Variants in EYS observed in about 807,000 individuals in gnomAD.
The protein encoded by EYS is protein eyes shut homolog.
Under a neutral mutation model 282.1 loss-of-function variants are expected in EYS, and 250 were observed. The observed-to-expected ratio is 0.89, with a 90% CI of 0.80 to 0.98. The LOEUF is 0.98. Among genes scored for constraint, EYS ranks in the 50% least tolerant of loss-of-function variants. The probability of loss-of-function intolerance (pLI) is 0.00; values close to 1 mark genes in which losing one functional copy is unlikely to be tolerated. For missense variants in EYS, 4,016 were observed against 3,709.0 expected, an observed-to-expected ratio of 1.08 and a Z score of -2.15; for synonymous variants, 1,355 against 1,282.9, an observed-to-expected ratio of 1.06 and a Z score of -1.20.
chr6:65,391,607 T>C (rs1766035587), intron 7 of EYS, among the ~76,000 whole-genome samples: 1 of 152,004 alleles, frequency 6.6e-6, no homozygotes, highest in African/African-American at 2.4e-5. Flanking sequence ...GGATTCCAAC[T>C]TACAAGGGAT....
intron 11 of EYS, chr6:65,331,037 TA>T: frequency 1.0e-6 from 1 of 984,362 alleles, no homozygotes; most frequent in Non-Finnish European, 1.2e-6. Context: ...TTTTTTCCTT[TA>T]AAGGCACCCA....
At chr6:64,518,527 A>G (rs903973913) in intron 26 of EYS, among the ~76,000 whole-genome samples, 1 of 151,860 alleles carries the variant, frequency 6.6e-6, no homozygotes, top group African/African-American at 2.4e-5. Context: ...ATTATAAACA[A>G]AGTATATTTT....
chr6:64,370,688 C>A (rs1772336028), intron 29 of EYS, among the ~76,000 whole-genome samples: 1 of 151,900 alleles, frequency 6.6e-6, no homozygotes, highest in South Asian at 2.1e-4. Context: ...ATTAATGATT[C>A]AATTTTGGAA....
At position 63,721,665 on chromosome 6, in the gene EYS, C is replaced by T. The variant is rs778528900; in HGVS notation, c.8366G>A (p.Gly2789Glu). The change falls in exon 43 of 43, where the codon GGA becomes GAA. Residue 2789 changes from glycine (G) to glutamate (E), a missense_variant. Coordinates refer to ENST00000503581, the MANE Select transcript of EYS (RefSeq NM_001142800.2). ...NGSTWHIIKA[G>E]RVGAEGYLDL... is the part of the protein sequence containing the mutation. ...CAGGTAGCCTTCTGCACCAACTCTT[C>T]CTGCTTTTATTATATGCCAAGTACT... The T allele has an allele frequency of 1.9e-6, 3 of 1,551,390 alleles. No homozygotes were observed. Among genetic ancestry groups the T allele is most frequent in the South Asian group, 2.4e-5 (2 of 84,050 alleles).
intron 2 of EYS, among the ~76,000 whole-genome samples, chr6:65,524,686 A>C (rs1292530230): frequency 6.6e-6 from 1 of 152,214 alleles, no homozygotes; most frequent in Non-Finnish European, 1.5e-5. Context: ...CCATGAAGTG[A>C]ATTCCTTAGA....
chr6:64,398,937 T>C (rs1194286459), intron 28 of EYS, among the ~76,000 whole-genome samples: 1 of 151,874 alleles, frequency 6.6e-6, no homozygotes, highest in African/African-American at 2.4e-5. Flanking sequence ...GGTTAATTAC[T>C]TCTTACAATT....
chr6:65,535,706 A>T (rs1767939537), intron 2 of EYS, among the ~76,000 whole-genome samples: 2 of 152,154 alleles, frequency 1.3e-5, no homozygotes, highest in Admixed American at 1.3e-4. Context: ...TTACTCAGCG[A>T]TGTCAAACTT....
intron 13 of EYS, among the ~76,000 whole-genome samples, chr6:65,008,748 G>A (rs888384832): frequency 1.3e-5 from 2 of 152,136 alleles, no homozygotes; most frequent in African/African-American, 4.8e-5. Flanking sequence ...GGGTGCCTGG[G>A]GCAAGCGCCA....
chr6:64,944,036 A>C (rs1389954390), intron 15 of EYS, among the ~76,000 whole-genome samples: 1 of 152,172 alleles, frequency 6.6e-6, no homozygotes, highest in Non-Finnish European at 1.5e-5. Flanking sequence ...AGATCAGTGG[A>C]ACAGAATAGC....
At chr6:65,295,730 T>C (rs1376039228) in intron 12 of EYS, 133 bp downstream of exon 12, 1 of 845,966 alleles carries the variant, frequency 1.2e-6, no homozygotes, top group African/African-American at 1.7e-5. Flanking sequence ...TTTTTTTTAC[T>C]TTGCCAAATA....
chr6:65,452,884 T>C (rs941107614), intron 5 of EYS, among the ~76,000 whole-genome samples: 1 of 151,960 alleles, frequency 6.6e-6, no homozygotes, highest in African/African-American at 2.4e-5. Flanking sequence ...ACCAACAAAC[T>C]GTAACAGGCA....
chr6:63,927,387 A>G (rs1764747181), intron 35 of EYS, among the ~76,000 whole-genome samples: 1 of 152,218 alleles, frequency 6.6e-6, no homozygotes, highest in Non-Finnish European at 1.5e-5. Context: ...ATCATGAGCC[A>G]TGGCCCAAAC....
intron 28 of EYS, among the ~76,000 whole-genome samples, chr6:64,403,725 A>T (rs1425846520): frequency 1.3e-5 from 2 of 152,168 alleles, no homozygotes; most frequent in Non-Finnish European, 2.9e-5. Context: ...TGAAAAGAAT[A>T]TTGGGTCATG....
intron 5 of EYS, among the ~76,000 whole-genome samples, chr6:65,439,752 ATG>A (rs761437315): frequency 6.5e-4 from 98 of 151,912 alleles, no homozygotes; most frequent in Non-Finnish European, 1.0e-3. Context: ...ATTTGCTCTT[ATG>A]TGTGTCCTCA....
chr6:63,783,926 C>CT (rs1770300347), intron 39 of EYS, among the ~76,000 whole-genome samples: 2 of 152,028 alleles, frequency 1.3e-5, no homozygotes, highest in African/African-American at 4.8e-5. Context: ...AATTGATAAA[C>CT]TGGGTAAAGC....
chr6:65,184,356 A>G (rs1445352916), intron 12 of EYS, among the ~76,000 whole-genome samples: 4 of 151,872 alleles, frequency 2.6e-5, no homozygotes, highest in African/African-American at 7.2e-5. Flanking sequence ...ACAGGAGTCA[A>G]ACTTACAACC....
At chr6:64,715,746 C>A (rs1771370196) in intron 22 of EYS, among the ~76,000 whole-genome samples, 1 of 152,226 alleles carries the variant, frequency 6.6e-6, no homozygotes, top group South Asian at 2.1e-4. Context: ...ACTCATTGCC[C>A]TCATAATTCC....
At chr6:64,284,618 C>T (rs1768430416) in intron 30 of EYS, among the ~76,000 whole-genome samples, 1 of 152,186 alleles carries the variant, frequency 6.6e-6, no homozygotes, top group Non-Finnish European at 1.5e-5. Context: ...CTTCATTGCC[C>T]TAGCAGAGGT....
At chr6:65,414,251 G>A (rs1352334099) in intron 5 of EYS, among the ~76,000 whole-genome samples, 1 of 152,124 alleles carries the variant, frequency 6.6e-6, no homozygotes, top group Non-Finnish European at 1.5e-5. Flanking sequence ...CTCAGACGAG[G>A]ATGTAATAAA....
Sources: allele counts gnomAD v4.1 joint callset (sites outside exome capture counted in the v4.1 genomes callset), GRCh38; gene constraint gnomAD v4.1.1; transcripts MANE v1.5; gene names NCBI Gene and HGNC (gene_info 2026-07-23, HGNC 2026-07-21).